Variants in SEZ6 observed in about 807,000 individuals in gnomAD.
SEZ6 encodes seizure related 6 homolog, also known as seizure protein 6 homolog.
Under a neutral mutation model 101.0 loss-of-function variants are expected in SEZ6, and 53 were observed. The ratio of observed to expected loss-of-function variants is 0.52; its 90% CI spans 0.42 to 0.66. The LOEUF is 0.66. SEZ6 is among the 30% of genes least tolerant of loss of function. SEZ6 has a pLI of 0.00. For missense variants in SEZ6, 1,102 were observed against 1,289.4 expected, an observed-to-expected ratio of 0.85 and a Z score of 2.23; for synonymous variants, 488 against 512.2, an observed-to-expected ratio of 0.95 and a Z score of 0.64.
chr17:28,964,947 G>A (rs1032845938), intron 4 of SEZ6, among the ~76,000 whole-genome samples: 1 of 151,582 alleles, frequency 6.6e-6, no homozygotes, highest in East Asian at 1.9e-4. Flanking sequence ...TCCCAGCTAC[G>A]GGGGAGGCTG....
chr17:28,960,379 A>G, intron 7 of SEZ6, 126 bp downstream of exon 7: 1 of 1,284,832 alleles, frequency 7.8e-7, no homozygotes, highest in Non-Finnish European at 1.1e-6. Flanking sequence ...GTACTGAGTG[A>G]GCAGGGGCTG....
chr17:28,993,587 A>C (rs1835981229), intron 1 of SEZ6, among the ~76,000 whole-genome samples: 1 of 152,214 alleles, frequency 6.6e-6, no homozygotes, highest in Non-Finnish European at 1.5e-5. Context: ...TGCCCAGTGC[A>C]GTGGTGAAGT....
At chr17:28,993,892 T>A (rs2041500547) in intron 1 of SEZ6, among the ~76,000 whole-genome samples, 1 of 152,254 alleles carries the variant, frequency 6.6e-6, no homozygotes, top group African/African-American at 2.4e-5. Context: ...CCCAAGCCTC[T>A]GTGGCCTTTG....
intron 1 of SEZ6, among the ~76,000 whole-genome samples, chr17:29,000,479 C>G (rs1056601435): frequency 6.6e-6 from 1 of 152,158 alleles, no homozygotes; most frequent in Non-Finnish European, 1.5e-5. Flanking sequence ...CCAGGCCTCA[C>G]GTCTCAATAT....
Position 28,966,160 on chromosome 17 carries a change from T to TAAATA in SEZ6, c.1055-2018_1055-2014dup, listed in dbSNP as rs201235507. Among the ~76,000 whole-genome samples, 1,534 of 141,410 alleles carry TAAATA rather than the reference T, an allele frequency of 0.011. 39 individuals are homozygous for TAAATA. The East Asian group carries it at 0.11, about 10-fold the overall frequency. 92.8% of individuals were successfully genotyped at this position (141,410 alleles called of 152,430 possible). The stretch of plus-strand genomic sequence containing the variant: ...TCCATGTTCCAAAAAATAAAATAAA[T>TAAATA]AAATAAAATAAAATAAAATAAAATA... On this transcript the variant is annotated intron_variant, in intron 4 of 16. Coordinates refer to ENST00000317338, the MANE Select transcript of SEZ6 (RefSeq NM_178860.5).
At chr17:28,994,892 G>T (rs1322294629) in intron 1 of SEZ6, among the ~76,000 whole-genome samples, 3 of 147,774 alleles carry the variant, frequency 2.0e-5, no homozygotes, top group Admixed American at 6.8e-5. Context: ...TTTTTTTTTT[G>T]AGACAGAGTC....
intron 1 of SEZ6, among the ~76,000 whole-genome samples, chr17:28,994,711 G>A (rs2041512346): frequency 6.6e-6 from 1 of 151,490 alleles, no homozygotes; most frequent in South Asian, 2.1e-4. Flanking sequence ...GTCCGGCCCG[G>A]TTACTGACTT....
At chr17:29,004,515 A>G (rs1207434102) in intron 1 of SEZ6, among the ~76,000 whole-genome samples, 2 of 152,186 alleles carry the variant, frequency 1.3e-5, no homozygotes, top group African/African-American at 2.4e-5. Context: ...AAGTGGAGCT[A>G]GAGGCTCAGA....
At chr17:28,976,814 C>T (rs186677375) in intron 3 of SEZ6, among the ~76,000 whole-genome samples, 358 of 152,346 alleles carry the variant, frequency 2.3e-3, no homozygotes, top group African/African-American at 8.3e-3. Context: ...TGCTGCTGCC[C>T]AGGCCAGACT....
At chr17:29,003,321 A>G (rs1383636746) in intron 1 of SEZ6, among the ~76,000 whole-genome samples, 2 of 152,204 alleles carry the variant, frequency 1.3e-5, no homozygotes, top group Admixed American at 1.3e-4. Flanking sequence ...CCTGACGCCA[A>G]TCAAGACTTG....
intron 6 of SEZ6, 59 bp from the exon 7 acceptor site, chr17:28,960,730 C>T: frequency 6.2e-7 from 1 of 1,611,726 alleles, no homozygotes; most frequent in Non-Finnish European, 8.5e-7. Context: ...GGGTGTGGCC[C>T]CAGGCTTGGG....
chr17:28,979,535 A>T, intron 3 of SEZ6, 145 bp downstream of exon 3: 1 of 1,205,516 alleles, frequency 8.3e-7, no homozygotes. Context: ...CTAACCATTT[A>T]GGCCCATCTC....
At chr17:28,990,088 C>A (rs79778434) in intron 1 of SEZ6, among the ~76,000 whole-genome samples, 36 of 151,618 alleles carry the variant, frequency 2.4e-4, no homozygotes, top group Non-Finnish European at 2.7e-4. Flanking sequence ...CACACACACA[C>A]AAAAAAAAGA....
chr17:28,990,910 A>T (rs967728488), intron 1 of SEZ6, among the ~76,000 whole-genome samples: 5 of 151,612 alleles, frequency 3.3e-5, no homozygotes, highest in Admixed American at 1.3e-4. Context: ...TTTATTTATT[A>T]AAAAAAATTT....
chr17:28,979,901 G>GTGTA, intron 2 of SEZ6, 88 bp from the exon 3 acceptor site: 1 of 1,302,292 alleles, frequency 7.7e-7, no homozygotes, highest in Non-Finnish European at 1.0e-6. Context: ...GTGTGTGTGT[G>GTGTA]TGTGTGTGTG....
intron 3 of SEZ6, among the ~76,000 whole-genome samples, chr17:28,972,029 G>A (rs938997506): frequency 7.2e-5 from 11 of 152,366 alleles, no homozygotes; most frequent in East Asian, 1.9e-4. Context: ...CACTGCAGCC[G>A]CAGACCACCC....
intron 4 of SEZ6, among the ~76,000 whole-genome samples, chr17:28,964,475 C>G (rs1433834327): frequency 2.6e-5 from 4 of 152,156 alleles, no homozygotes; most frequent in Non-Finnish European, 5.9e-5. Flanking sequence ...CCTAGCCTAC[C>G]TACAGGGTTA....
intron 4 of SEZ6, among the ~76,000 whole-genome samples, chr17:28,965,209 G>A (rs1191143137): frequency 6.6e-6 from 1 of 151,578 alleles, no homozygotes; most frequent in African/African-American, 2.4e-5. Context: ...AAAATCAGCC[G>A]GACGTGATGG....
intron 1 of SEZ6, among the ~76,000 whole-genome samples, chr17:28,996,282 C>T (rs568235829): frequency 1.3e-5 from 2 of 152,052 alleles, no homozygotes; most frequent in Non-Finnish European, 2.9e-5. Context: ...GGGAGGTCAT[C>T]GTGGGACCTC....
Sources: gnomAD v4.1 joint callset for allele counts (sites outside exome capture counted in the v4.1 genomes callset) on GRCh38, gnomAD v4.1.1 for gene constraint, MANE v1.5 for transcripts, NCBI Gene and HGNC (gene_info 2026-07-23, HGNC 2026-07-21) for gene names.